The following TENM1 variants were observed in gnomAD, a reference collection of about 807,000 sequenced individuals.
TENM1 encodes teneurin transmembrane protein 1, also known as teneurin-1.
In TENM1, 35 loss-of-function variants were observed where a neutral mutation model predicts 174.8. The observed-to-expected ratio is 0.20, with a 90% CI of 0.15 to 0.27. TENM1 has a LOEUF of 0.27. TENM1 is among the 10% of genes least tolerant of loss of function. The pLI is 1.00. For synonymous variants in TENM1, 781 were observed against 798.7 expected (o/e 0.98, Z 0.37); for missense variants, 1,633 against 2,130.1 (o/e 0.77, Z 4.59).
At chrX:124,395,427 A>T (rs1044207147) in intron 27 of TENM1, among the ~76,000 whole-genome samples, 2 of 110,726 alleles carry the variant, frequency 1.8e-5, no homozygotes, top group Non-Finnish European at 3.8e-5. Flanking sequence ...TTCTGAAAAA[A>T]AAAAAAAGAA....
At chrX:124,935,507 T>C (rs1048042432) in intron 1 of TENM1, among the ~76,000 whole-genome samples, 4 of 112,501 alleles carry the variant, frequency 3.6e-5, no homozygotes, top group African/African-American at 1.3e-4. Flanking sequence ...TTTTAAATTA[T>C]CTGCTTTTTT....
chrX:125,133,059 T>A, the TENM1 span, among the ~76,000 whole-genome samples: 1 of 111,104 alleles, frequency 9.0e-6, no homozygotes, highest in African/African-American at 3.3e-5. Flanking sequence ...AGTGGCATGA[T>A]CTCTGCTCAC....
the TENM1 span, among the ~76,000 whole-genome samples, chrX:125,183,773 A>G: frequency 8.1e-3 from 912 of 112,040 alleles, 11 homozygotes; most frequent in African/African-American, 0.028. Flanking sequence ...ATTGCTTTAA[A>G]TCAAGGAAAA....
At chrX:124,581,864 C>A (rs146284078) in intron 11 of TENM1, among the ~76,000 whole-genome samples, 196 of 111,726 alleles carry the variant, frequency 1.8e-3, no homozygotes, top group African/African-American at 6.1e-3. Flanking sequence ...CTATTCATAT[C>A]TTTTGCCCTT....
At chrX:124,451,622 T>C (rs1215657959) in intron 23 of TENM1, among the ~76,000 whole-genome samples, 2 of 111,957 alleles carry the variant, frequency 1.8e-5, no homozygotes, top group Non-Finnish European at 3.8e-5. Flanking sequence ...CTTCAAACTA[T>C]ACTACAAGGC....
chrX:124,485,823 G>A (rs1205357879), intron 21 of TENM1, among the ~76,000 whole-genome samples: 7 of 111,490 alleles, frequency 6.3e-5, no homozygotes, highest in Admixed American at 9.5e-5. Context: ...GTGATTTTGT[G>A]TGCAAAATAC....
chrX:125,000,138 G>T, the TENM1 span, among the ~76,000 whole-genome samples: 1 of 111,428 alleles, frequency 9.0e-6, no homozygotes, highest in African/African-American at 3.2e-5. Context: ...TCCCATTTTT[G>T]CAGTGCATTG....
chrX:125,133,557 C>T, the TENM1 span, among the ~76,000 whole-genome samples: 2 of 111,537 alleles, frequency 1.8e-5, no homozygotes, highest in East Asian at 5.7e-4. Context: ...AAATTAGCAG[C>T]TTTTAAAGCA....
intron 1 of TENM1, among the ~76,000 whole-genome samples, chrX:124,924,783 T>C (rs928304863): frequency 8.1e-5 from 9 of 111,560 alleles, no homozygotes; most frequent in Admixed American, 3.8e-4. Context: ...TGGCAGGCTA[T>C]ACAGGAAGAC....
At chrX:124,471,939 G>A (rs1236382792) in intron 22 of TENM1, among the ~76,000 whole-genome samples, 1 of 106,835 alleles carries the variant, frequency 9.4e-6, no homozygotes, top group Non-Finnish European at 1.9e-5. Flanking sequence ...GGGGGAGCAG[G>A]TGGGAGTGGT....
At chrX:124,589,336 G>A (rs2049665164) in intron 11 of TENM1, among the ~76,000 whole-genome samples, 1 of 102,725 alleles carries the variant, frequency 9.7e-6, no homozygotes, top group Non-Finnish European at 2.0e-5. Context: ...TGTTCAACAG[G>A]GATACTGGCC....
chrX:124,913,626 C>T (rs2057873282), intron 1 of TENM1, among the ~76,000 whole-genome samples: 1 of 111,865 alleles, frequency 8.9e-6, no homozygotes. Context: ...AAGAGACTGG[C>T]TCCAGTGGAA....
chrX:124,500,112 C>T (rs944155799), intron 19 of TENM1, among the ~76,000 whole-genome samples: 1 of 111,620 alleles, frequency 9.0e-6, no homozygotes, highest in Non-Finnish European at 1.9e-5. Flanking sequence ...CCCAACACTC[C>T]ATCAAAGAAG....
chrX:124,586,023 T>G (rs974601371), intron 11 of TENM1, among the ~76,000 whole-genome samples: 3 of 110,084 alleles, frequency 2.7e-5, no homozygotes, highest in South Asian at 3.9e-4. Context: ...AATAACAGGC[T>G]CTGAAATTGT....
chrX:124,417,194 C>T (rs997402498), intron 25 of TENM1, among the ~76,000 whole-genome samples: 1 of 111,243 alleles, frequency 9.0e-6, no homozygotes, highest in South Asian at 3.8e-4. Flanking sequence ...CCTCTTCATA[C>T]CCTCAACTCT....
chrX:125,028,700 A>G, the TENM1 span, among the ~76,000 whole-genome samples: 4 of 112,169 alleles, frequency 3.6e-5, no homozygotes, highest in African/African-American at 9.7e-5. Flanking sequence ...AAAAATATTC[A>G]TATATCAGAA....
At chrX:124,545,042 T>C (rs752465723) in intron 15 of TENM1, among the ~76,000 whole-genome samples, 1 of 112,182 alleles carries the variant, frequency 8.9e-6, no homozygotes, top group Non-Finnish European at 1.9e-5. Flanking sequence ...TAAAAATGCA[T>C]GTGTTGATTT....
At chrX:124,598,828 C>A (rs1253737119) in intron 11 of TENM1, among the ~76,000 whole-genome samples, 1 of 110,897 alleles carries the variant, frequency 9.0e-6, no homozygotes, top group African/African-American at 3.3e-5. Context: ...TGAATAAGAC[C>A]TACTATTTGA....
chrX:124,579,653 T>C (rs1278784041), intron 11 of TENM1, among the ~76,000 whole-genome samples: 3 of 112,138 alleles, frequency 2.7e-5, no homozygotes, highest in Non-Finnish European at 5.6e-5. Flanking sequence ...TCCCACTATA[T>C]TGTAAGTTGA....
Sources: gnomAD v4.1 joint callset for allele counts (sites outside exome capture counted in the v4.1 genomes callset) on GRCh38, gnomAD v4.1.1 for gene constraint, MANE v1.5 for transcripts, NCBI Gene and HGNC (gene_info 2026-07-23, HGNC 2026-07-21) for gene names.